The following CSMD1 variants were observed in gnomAD, a reference collection of about 807,000 sequenced individuals.
CSMD1 encodes CUB and sushi domain-containing protein 1.
A neutral mutation model predicts 417.5 loss-of-function variants in CSMD1; 213 were observed. The ratio of observed to expected loss-of-function variants is 0.51; its 90% CI spans 0.46 to 0.57. CSMD1 has a LOEUF of 0.57. Among genes scored for constraint, CSMD1 ranks in the 20% least tolerant of loss-of-function variants. CSMD1 has a pLI of 0.00. For missense variants in CSMD1, 6,923 were observed against 4,529.7 expected (o/e 1.53, Z -15.17); for synonymous variants, 2,862 against 1,736.8 (o/e 1.65, Z -16.11).
At position 2,936,872 on chromosome 8, in the gene CSMD1, G is replaced by A. The variant is rs1371569375; in HGVS notation, c.*1713C>T. The A allele has an allele frequency of 6.6e-6, 1 of 152,152 alleles. No homozygotes were observed. Among genetic ancestry groups the A allele is most frequent in the South Asian group, 2.1e-4 (1 of 4,834 alleles). 9.4% of individuals were successfully genotyped at this position (152,152 alleles called of 1,614,324 possible). A position where few individuals can be genotyped will look rare whatever the true frequency, so the allele number is the denominator to read the frequency against. On this transcript the variant is annotated 3_prime_UTR_variant, in exon 70 of 70. Transcript: ENST00000635120. The stretch of plus-strand genomic sequence containing the variant: ...CACCAACAGATAAATCAGTCTTAAA[G>A]CTAGGTGTCAATGTGTTCACTCCGA...
intron 20 of CSMD1, among the ~76,000 whole-genome samples, chr8:3,365,376 A>G (rs1009036498): frequency 6.6e-6 from 1 of 152,202 alleles, no homozygotes; most frequent in African/African-American, 2.4e-5. Context: ...AAAATCCCCA[A>G]GAAATATTTT....
chr8:4,473,728 G>A (rs998850775), intron 2 of CSMD1, among the ~76,000 whole-genome samples: 1 of 152,150 alleles, frequency 6.6e-6, no homozygotes, highest in Non-Finnish European at 1.5e-5. Context: ...GTAGCATGTA[G>A]TAACACATAA....
chr8:4,181,860 T>G (rs1241194654), intron 3 of CSMD1, among the ~76,000 whole-genome samples: 4 of 152,258 alleles, frequency 2.6e-5, no homozygotes, highest in South Asian at 4.1e-4. Context: ...AAATTCTCCT[T>G]TAGCCTAGTT....
chr8:4,426,740 C>CAATATAGT (rs1243208574), intron 2 of CSMD1, among the ~76,000 whole-genome samples: 1 of 146,080 alleles, frequency 6.8e-6, no homozygotes, highest in Admixed American at 6.9e-5. Context: ...ATTTATTATA[C>CAATATAGT]AATATAGTAA....
At chr8:4,284,922 C>A (rs1199020403) in intron 3 of CSMD1, among the ~76,000 whole-genome samples, 1 of 152,138 alleles carries the variant, frequency 6.6e-6, no homozygotes, top group East Asian at 1.9e-4. Context: ...TTTCAGGATG[C>A]ACCAGTTAAT....
At chr8:4,843,347 T>A (rs1800948334) in intron 1 of CSMD1, among the ~76,000 whole-genome samples, 1 of 152,192 alleles carries the variant, frequency 6.6e-6, no homozygotes, top group Non-Finnish European at 1.5e-5. Flanking sequence ...CTTAGTATCT[T>A]ATTAAAATAT....
Position 3,029,508 on chromosome 8 carries a change from C to T in CSMD1, c.7666G>A (p.Ala2556Thr), listed in dbSNP as rs1332631944. The change falls in exon 51 of 70, where the codon GCT (alanine) becomes ACT (threonine). Residue 2556 changes from alanine to threonine, a missense_variant. Transcript: ENST00000635120. ...AGCTGAGCTTCAATGCTGGGGCAAG[C>T]GACCGCTGGAAGGGAAACGTACATC... ...KGKPPTCKPV[A>T]CPSIEAQLSE... The T allele has an allele frequency of 1.0e-5, 16 of 1,591,994 alleles. No homozygotes were observed. Among genetic ancestry groups the T allele is most frequent in the East Asian group, 2.3e-5 (1 of 44,070 alleles).
intron 3 of CSMD1, among the ~76,000 whole-genome samples, chr8:4,083,436 A>G (rs535894109): frequency 6.6e-6 from 1 of 152,120 alleles, no homozygotes; most frequent in African/African-American, 2.4e-5. Flanking sequence ...CCTGACTTCA[A>G]ACTATACTAC....
intron 1 of CSMD1, among the ~76,000 whole-genome samples, chr8:4,872,999 T>C (rs1330335730): frequency 1.3e-5 from 2 of 152,130 alleles, no homozygotes; most frequent in Non-Finnish European, 2.9e-5. Context: ...CAGTGTGTGA[T>C]GCTTTGATAT....
intron 5 of CSMD1, among the ~76,000 whole-genome samples, chr8:3,845,609 T>C (rs1322774319): frequency 1.3e-5 from 2 of 152,162 alleles, no homozygotes; most frequent in Non-Finnish European, 2.9e-5. Context: ...CTGCGGGATC[T>C]ATAAATGCAG....
At chr8:3,078,939 T>C (rs1020833) in intron 49 of CSMD1, among the ~76,000 whole-genome samples, 108,606 of 152,054 alleles carry the variant, frequency 0.71, 38,931 homozygotes, top group Non-Finnish European at 0.73. Context: ...AAAGGTTTCA[T>C]GCCAACATTT....
Position 4,013,264 on chromosome 8 carries a change from C to T in CSMD1, c.611-15154G>A, listed in dbSNP as rs1012715099. ...CTCTGACTGTCTCTCCTACAACCCT[C>T]CAATTATCCCATCTGCTCAGGCCAC... On this transcript the variant is annotated intron_variant, in intron 4 of 69. Transcript: ENST00000635120. 4.9e-4 allele frequency among the ~76,000 whole-genome samples: 75 copies of T among 152,178 alleles called. 1 individual carries two copies. Among genetic ancestry groups the T allele is most frequent in the African/African-American group, 1.6e-3 (65 of 41,442 alleles).
intron 17 of CSMD1, among the ~76,000 whole-genome samples, chr8:3,391,940 G>C (rs924794625): frequency 1.3e-5 from 2 of 152,060 alleles, no homozygotes; most frequent in Non-Finnish European, 2.9e-5. Flanking sequence ...TAAAGAGTTT[G>C]ATATAAATCA....
intron 1 of CSMD1, among the ~76,000 whole-genome samples, chr8:4,860,203 C>T (rs1802043703): frequency 7.5e-6 from 1 of 132,650 alleles, no homozygotes; most frequent in African/African-American, 2.9e-5. Flanking sequence ...TAGGTGGGAA[C>T]TGAACAAGGA....
chr8:3,264,193 G>A (rs1270379744), intron 26 of CSMD1, among the ~76,000 whole-genome samples: 1 of 152,132 alleles, frequency 6.6e-6, no homozygotes, highest in African/African-American at 2.4e-5. Flanking sequence ...GCAGACTTGA[G>A]GTGAGGAAGT....
intron 18 of CSMD1, among the ~76,000 whole-genome samples, chr8:3,383,233 C>A (rs143665799): frequency 6.6e-6 from 1 of 152,218 alleles, no homozygotes; most frequent in Non-Finnish European, 1.5e-5. Flanking sequence ...TATCACAAAT[C>A]GCATCAAATT....
chr8:3,066,773 A>G (rs1812962920), intron 49 of CSMD1, among the ~76,000 whole-genome samples: 1 of 152,194 alleles, frequency 6.6e-6, no homozygotes, highest in Non-Finnish European at 1.5e-5. Flanking sequence ...AGAACAGAAA[A>G]CTGAGCTACA....
rs143383590 is a variant in CSMD1, at chr8:4,672,962, T to C, written c.86-35404A>G. Among the ~76,000 whole-genome samples, 665 of 151,496 alleles carry C rather than the reference T, an allele frequency of 4.4e-3. 3 individuals are homozygous for C. The highest frequency in any genetic ancestry group is 0.014 in the Middle Eastern group (4 of 290). ...TACATGGTGACACGGCACACATACA[T>C]AACACACACGTTTCCATAGTGGCAT... On this transcript the variant is annotated intron_variant, in intron 1 of 69. Transcript: ENST00000635120.
intron 4 of CSMD1, among the ~76,000 whole-genome samples, chr8:4,021,557 G>C (rs13282773): frequency 2.0e-5 from 3 of 152,102 alleles, no homozygotes; most frequent in East Asian, 1.9e-4. Flanking sequence ...TTCTGAGCAG[G>C]TGCACCTGGG....
Sources: gnomAD v4.1 joint callset for allele counts (sites outside exome capture counted in the v4.1 genomes callset) on GRCh38, gnomAD v4.1.1 for gene constraint, MANE v1.5 for transcripts, NCBI Gene and HGNC (gene_info 2026-07-23, HGNC 2026-07-21) for gene names.